The following CHRNA1 variants were observed in gnomAD, a reference collection of about 807,000 sequenced individuals.
CHRNA1 encodes acetylcholine receptor subunit alpha.
In CHRNA1, 35 loss-of-function variants were observed where a neutral mutation model predicts 47.1. That is an observed-to-expected ratio of 0.74 (90% CI 0.57 to 0.99). The LOEUF is 0.99. Ranked by LOEUF, CHRNA1 falls within the 50% of genes least tolerant of loss-of-function variation. CHRNA1 has a pLI of 0.00. For synonymous variants in CHRNA1, 229 were observed against 223.6 expected, an observed-to-expected ratio of 1.02 and a Z score of -0.22; for missense variants, 506 against 591.1, an observed-to-expected ratio of 0.86 and a Z score of 1.49.
At position 174,747,872 on chromosome 2, in the gene CHRNA1, T is replaced by A; in HGVS notation, c.*252A>T. 1 of 466,012 alleles carries A rather than the reference T, an allele frequency of 2.1e-6. No homozygotes were observed. The highest frequency in any genetic ancestry group is 3.9e-6 in the Non-Finnish European group (1 of 256,244). The allele number at this position is 466,012 out of a possible 1,614,324, so 28.9% of individuals were successfully genotyped here. A position where few individuals can be genotyped will look rare whatever the true frequency, so the allele number is the denominator to read the frequency against. ...TCTTCCAGACACTGGAAATGAACAC[T>A]TTTTTTAGTGATTAGTTTCATTTAC... On this transcript the variant is annotated 3_prime_UTR_variant, in exon 9 of 9. Transcript: ENST00000348749.
At chr2:174,756,862 T>C (rs552506459) in intron 4 of CHRNA1, among the ~76,000 whole-genome samples, 1 of 152,048 alleles carries the variant, frequency 6.6e-6, no homozygotes, top group South Asian at 2.1e-4. Flanking sequence ...TCCCGGCCGG[T>C]GTTGCATGCT....
intron 3 of CHRNA1, 86 bp downstream of exon 3, chr2:174,759,243 CCT>C: frequency 7.7e-7 from 1 of 1,304,856 alleles, no homozygotes; most frequent in Non-Finnish European, 1.1e-6. Flanking sequence ...GGTATATATC[CCT>C]GTTACCCATA....
In CHRNA1 at chr2:174,748,234, C is replaced by A; in HGVS notation, c.1264G>T (p.Val422Phe). The change falls in exon 9 of 9, where the codon GTT (valine) becomes TTT (phenylalanine). Residue 422 changes from valine to phenylalanine, a missense_variant. By Grantham distance (50) the Val-to-Phe change is conservative (BLOSUM62 -1). Coordinates refer to ENST00000348749, the MANE Select transcript of CHRNA1 (RefSeq NM_000079.4). Reference sequence around the variant, plus strand: ...AGTATGTGGTCCATCACCATTGCAACGTACTTCCACTCTGCCGCCGCCTGG... The same window carrying A: ...AGTATGTGGTCCATCACCATTGCAAAGTACTTCCACTCTGCCGCCGCCTGG... ...SNNAAAEWKY[V>F]AMVMDHILLG... 1 of 1,614,152 alleles carries A rather than the reference C, an allele frequency of 6.2e-7. No homozygotes were observed. The highest frequency in any genetic ancestry group is 8.5e-7 in the Non-Finnish European group (1 of 1,180,036).
rs73030243 is a variant in CHRNA1 at position 174,760,222 on chromosome 2, A to G, written c.44-589T>C. ...AACACAGGTACCATACGATCCAGCA[A>G]TTCCACTCCTAGGTCCACACCCAAA... On this transcript the variant is annotated intron_variant, in intron 1 of 8. Transcript: ENST00000348749. Among the ~76,000 whole-genome samples the G allele has an allele frequency of 1.8e-3, 273 of 152,310 alleles. 1 individual carries two copies. Among genetic ancestry groups the G allele is most frequent in the African/African-American group, 6.2e-3 (258 of 41,568 alleles).
chr2:174,757,640 A>G lies in CHRNA1; in HGVS notation c.270T>C (p.Asp90=), dbSNP rs746590795. 3.7e-6 allele frequency: 6 copies of G among 1,614,092 alleles called. No homozygotes were observed. The Admixed American group carries it at 5.0e-5, about 13-fold the overall frequency. ...WVDYNLKWNP[D]DYGGVKKIHI... The stretch of plus-strand genomic sequence containing the variant: ...GAATTTTTTTCACACCGCCATAGTC[A>G]TCTGGATTCCATTTTAGGTTGTAAT... The change falls in exon 4 of 9, where the codon GAT becomes GAC. Residue 90 remains aspartate (D), a synonymous_variant. Transcript: ENST00000348749.
chr2:174,748,244 C>T lies in CHRNA1; in HGVS notation c.1254G>A (p.Glu418=), dbSNP rs1553541913. The T allele has an allele frequency of 1.2e-6, 2 of 1,614,066 alleles. No individual in the cohort carries two copies. The highest frequency in any genetic ancestry group is 1.7e-6 in the Non-Finnish European group (2 of 1,180,056). ...CCATCACCATTGCAACGTACTTCCA[C>T]TCTGCCGCCGCCTGGGAGAGAGGAA... ...SDQESNNAAA[E]WKYVAMVMDH... The change falls in exon 9 of 9, where the codon GAG becomes GAA. Residue 418 remains glutamate, a synonymous_variant. Coordinates refer to ENST00000348749, the MANE Select transcript of CHRNA1 (RefSeq NM_000079.4).
In CHRNA1 at chr2:174,764,415, G is replaced by T; in HGVS notation, c.-21C>A. 1 of 1,610,214 alleles carries T rather than the reference G, an allele frequency of 6.2e-7. No individual in the cohort carries two copies. Among genetic ancestry groups the T allele is most frequent in the South Asian group, 1.1e-5 (1 of 90,028 alleles). Reference sequence around the variant, plus strand: ...TCCATGGGCTACCGGAGCTTGTGTGGACCAGGGCAGAGTGGTGGCCTGTGC... The same window carrying T: ...TCCATGGGCTACCGGAGCTTGTGTGTACCAGGGCAGAGTGGTGGCCTGTGC... On this transcript the variant is annotated 5_prime_UTR_variant, in exon 1 of 9. Transcript: ENST00000348749.
chr2:174,754,925 A>T (rs1473885555), intron 4 of CHRNA1, among the ~76,000 whole-genome samples: 1 of 125,738 alleles, frequency 8.0e-6, no homozygotes, highest in African/African-American at 3.2e-5. Flanking sequence ...TCGCTTTGTC[A>T]CCCAGGCTGG....
At chr2:174,748,337 G>A in intron 8 of CHRNA1, 82 bp from the exon 9 acceptor site, 1 of 1,576,428 alleles carries the variant, frequency 6.3e-7, no homozygotes, top group Non-Finnish European at 8.7e-7. Flanking sequence ...ATCAACTATG[G>A]GCCCTTCAAT....
At chr2:174,754,514 G>T in intron 4 of CHRNA1, 100 bp from the exon 5 acceptor site, 1 of 989,508 alleles carries the variant, frequency 1.0e-6, no homozygotes, top group East Asian at 2.5e-5. Context: ...TTATTCAGGT[G>T]CTAATTATAG....
intron 3 of CHRNA1, chr2:174,758,026 C>T (rs1372019815): frequency 1.2e-6 from 2 of 1,613,968 alleles, no homozygotes; most frequent in East Asian, 4.5e-5. Context: ...TCACCCTGTC[C>T]ACCCACAGAA....
chr2:174,758,997 G>A (rs1486248217), intron 3 of CHRNA1, among the ~76,000 whole-genome samples: 1 of 152,040 alleles, frequency 6.6e-6, no homozygotes, highest in East Asian at 1.9e-4. Context: ...GAGAGTCCTA[G>A]GACAGATTCT....
rs1683926285 is a variant in CHRNA1, at chr2:174,754,316, CAGT to C, written c.440_442del (p.Tyr147del). The stretch of plus-strand genomic sequence containing the variant: ...GGGAAAGTGGGTGACGATGATCTCA[CAGT>C]AGCTTTTAAAGATGGCTGGAGGTGT... On this transcript the variant is annotated inframe_deletion, in exon 5 of 9. Coordinates refer to ENST00000348749, the MANE Select transcript of CHRNA1 (RefSeq NM_000079.4). The C allele has an allele frequency of 2.5e-6, 4 of 1,614,082 alleles. No individual in the cohort carries two copies. The highest frequency in any genetic ancestry group is 1.7e-6 in the Non-Finnish European group (2 of 1,180,036).
chr2:174,755,262 G>GA (rs1478563838), intron 4 of CHRNA1, among the ~76,000 whole-genome samples: 2 of 152,082 alleles, frequency 1.3e-5, no homozygotes, highest in Non-Finnish European at 2.9e-5. Flanking sequence ...GGGCCAGGCA[G>GA]GTGAGGAATG....
chr2:174,752,986 T>C, intron 6 of CHRNA1: 1 of 218,132 alleles, frequency 4.6e-6, no homozygotes, highest in East Asian at 9.8e-5. Flanking sequence ...TTGTCTAGGC[T>C]GATATGTGAG....
In CHRNA1 at chr2:174,763,330, G is replaced by GCA. The variant is rs59175013; in HGVS notation, c.43+1020_43+1021dup. ...TGCACGCATGTGTGTGCACGCGCGC[G>GCA]CACACACACACACACACACACACAC... On this transcript the variant is annotated intron_variant, in intron 1 of 8. Coordinates refer to ENST00000348749, the MANE Select transcript of CHRNA1 (RefSeq NM_000079.4). Among the ~76,000 whole-genome samples, 455 of 55,140 alleles carry GCA rather than the reference G, an allele frequency of 8.3e-3. 1 individual carries two copies. The highest frequency in any genetic ancestry group is 0.017 in the African/African-American group (395 of 23,644). 36.2% of individuals were successfully genotyped at this position (55,140 alleles called of 152,430 possible).
chr2:174,750,770 G>A (rs545041016), intron 6 of CHRNA1, among the ~76,000 whole-genome samples: 151 of 152,096 alleles, frequency 9.9e-4, no homozygotes, highest in Non-Finnish European at 1.3e-3. Flanking sequence ...AGCAGAAAAC[G>A]GAACAATATT....
chr2:174,761,552 C>A (rs1173905398), intron 1 of CHRNA1, among the ~76,000 whole-genome samples: 1 of 152,108 alleles, frequency 6.6e-6, no homozygotes, highest in African/African-American at 2.4e-5. Flanking sequence ...TGAGCTCAAG[C>A]CATCCACCCA....
intron 4 of CHRNA1, among the ~76,000 whole-genome samples, chr2:174,756,361 A>G (rs1313557105): frequency 6.6e-6 from 1 of 152,178 alleles, no homozygotes; most frequent in African/African-American, 2.4e-5. Context: ...TTGGTCCCTC[A>G]TGTCATAAAT....
Sources: gnomAD v4.1 joint callset for allele counts (sites outside exome capture counted in the v4.1 genomes callset) on GRCh38, gnomAD v4.1.1 for gene constraint, MANE v1.5 for transcripts, NCBI Gene and HGNC (gene_info 2026-07-23, HGNC 2026-07-21) for gene names.